The following SLC22A16 variants were observed in gnomAD, a reference collection of about 807,000 sequenced individuals.
SLC22A16 encodes solute carrier family 22 member 16, also known as WUGSC:RG331P03.1.
SLC22A16 carries 53 observed loss-of-function variants against 52.9 expected under a neutral mutation model. The ratio of observed to expected loss-of-function variants is 1.00; its 90% confidence interval spans 0.80 to 1.26. The LOEUF (loss-of-function observed/expected upper bound fraction) is 1.26, where lower values mean the gene tolerates loss of function less well. Ranked by LOEUF, SLC22A16 falls within the 50% of genes most tolerant of loss-of-function variation. The pLI, the probability that SLC22A16 is intolerant of heterozygous loss-of-function variation, is 0.00. For synonymous variants in SLC22A16, 291 were observed against 268.8 expected (o/e 1.08, Z -0.81); for missense variants, 726 against 704.0 (o/e 1.03, Z -0.35).
In SLC22A16 at chr6:110,476,569, C is replaced by G; in HGVS notation, c.6G>C (p.Gly2=). The part of the protein sequence containing the change: M[G]SRHFEGIYDH... Reference sequence around the variant, plus strand: ...CATAAATCCCCTCGAAGTGGCGGGACCCCATGGTGCGGCCGTGCACTGGGC... The same window carrying G: ...CATAAATCCCCTCGAAGTGGCGGGAGCCCATGGTGCGGCCGTGCACTGGGC... Residue 2 remains glycine (G), a synonymous_variant, in exon 1 of 8, where the codon GGG becomes GGC. Transcript: ENST00000368919. 1 of 1,534,450 alleles carries G rather than the reference C, an allele frequency of 6.5e-7. No homozygotes were observed. The highest frequency in any genetic ancestry group is 8.7e-7 in the Non-Finnish European group (1 of 1,143,020).
chr6:110,446,758 G>T, intron 3 of SLC22A16, 115 bp downstream of exon 3: 1 of 878,600 alleles, frequency 1.1e-6, no homozygotes, highest in Non-Finnish European at 1.8e-6. Flanking sequence ...CAGTGGAGTG[G>T]ACAAAGATGA....
chr6:110,465,852 A>G (rs1412175798), intron 1 of SLC22A16, among the ~76,000 whole-genome samples: 3 of 152,216 alleles, frequency 2.0e-5, no homozygotes, highest in Admixed American at 2.0e-4. Flanking sequence ...AAAAAGAGCA[A>G]GGCCAGAGGC....
intron 3 of SLC22A16, among the ~76,000 whole-genome samples, chr6:110,443,389 A>G (rs1167319301): frequency 6.6e-6 from 1 of 152,214 alleles, no homozygotes; most frequent in Non-Finnish European, 1.5e-5. Context: ...AACACAGACA[A>G]TCCAATTCAA....
At chr6:110,449,923 G>C (rs1182219842) in intron 2 of SLC22A16, among the ~76,000 whole-genome samples, 5 of 152,068 alleles carry the variant, frequency 3.3e-5, no homozygotes. Flanking sequence ...TTCACAATCT[G>C]CCCTTCTCTA....
intron 3 of SLC22A16, among the ~76,000 whole-genome samples, chr6:110,445,432 T>A (rs2114949279): frequency 6.6e-6 from 1 of 152,312 alleles, no homozygotes; most frequent in Non-Finnish European, 1.5e-5. Context: ...ATCAACGTCT[T>A]GCCTTTCCTA....
chr6:110,469,443 G>T (rs1397260984), intron 1 of SLC22A16, among the ~76,000 whole-genome samples: 4 of 152,198 alleles, frequency 2.6e-5, no homozygotes, highest in African/African-American at 9.6e-5. Flanking sequence ...CAGCTACTCA[G>T]GAGGCTGAGG....
chr6:110,444,848 C>G (rs553787918), intron 3 of SLC22A16, among the ~76,000 whole-genome samples: 1 of 152,342 alleles, frequency 6.6e-6, no homozygotes, highest in Non-Finnish European at 1.5e-5. Flanking sequence ...GCTGCTGTTA[C>G]ATTAACAAAG....
rs139436114 is a variant in SLC22A16, at chr6:110,426,946, G to A, written c.1522-1861C>T. Among the ~76,000 whole-genome samples the A allele has an allele frequency of 1.2e-3, 186 of 150,230 alleles. 1 individual carries two copies. The highest frequency in any genetic ancestry group is 4.1e-3 in the African/African-American group (168 of 40,800). ...GCCTGGGCAACAAGAGTGAAACTCCGTCTTAAAAAAAAAACTTCTCAAAGA... is the reference window on the plus strand; with the variant it reads ...GCCTGGGCAACAAGAGTGAAACTCCATCTTAAAAAAAAAACTTCTCAAAGA... On this transcript the variant is annotated intron_variant, in intron 7 of 7. Transcript: ENST00000368919.
At position 110,456,888 on chromosome 6, in the gene SLC22A16, A is replaced by C. The variant is rs1775680539; in HGVS notation, c.183T>G (p.Val61=). 1 of 1,613,966 alleles carries C rather than the reference A, an allele frequency of 6.2e-7. No individual in the cohort carries two copies. Among genetic ancestry groups the C allele is most frequent in the Admixed American group, 1.7e-5 (1 of 59,992 alleles). Residue 61 remains valine, a synonymous_variant, in exon 2 of 8, where the codon GTT becomes GTG. Coordinates refer to ENST00000368919, the MANE Select transcript of SLC22A16 (RefSeq NM_033125.4). ...TCCAATTAGAGTGATTATGGAAAAC[A>C]ACCTGACTCACATTGCCTGGGGGCC... ...VCRPPGNVSQ[V]VFHNHSNWSL... is the part of the protein sequence containing the mutation.
chr6:110,466,216 A>G (rs1776054074), intron 1 of SLC22A16, among the ~76,000 whole-genome samples: 1 of 152,216 alleles, frequency 6.6e-6, no homozygotes, highest in South Asian at 2.1e-4. Flanking sequence ...ACTCTTCTGG[A>G]CATTAGCCTA....
intron 6 of SLC22A16, among the ~76,000 whole-genome samples, chr6:110,432,023 A>G (rs1021167857): frequency 1.3e-5 from 2 of 152,232 alleles, no homozygotes; most frequent in Non-Finnish European, 2.9e-5. Context: ...TTTTAGAGTC[A>G]AGGAATATCT....
rs1775688719 is a variant in SLC22A16 at position 110,457,010 on chromosome 6, T to C, written c.61A>G (p.Arg21Gly). 1.3e-6 allele frequency: 2 copies of C among 1,525,314 alleles called. No individual in the cohort carries two copies. Among genetic ancestry groups the C allele is most frequent in the Admixed American group, 4.5e-5 (2 of 44,768 alleles). 94.5% of individuals were successfully genotyped at this position (1,525,314 alleles called of 1,614,324 possible). Reference sequence around the variant, plus strand: ...AAGGCACATATGAAATAGAGGACTCTCTGGAATCTGCAAGAGAAGAAAAGC... The same window carrying C: ...AAGGCACATATGAAATAGAGGACTCCCTGGAATCTGCAAGAGAAGAAAAGC... ...DHVGHFGRFQRVLYFICAFQN... is the reference protein window; with the variant it reads ...DHVGHFGRFQGVLYFICAFQN... The change falls in exon 2 of 8, where the codon AGA becomes GGA. Residue 21 changes from arginine (R) to glycine (G), a missense_variant. Coordinates refer to ENST00000368919, the MANE Select transcript of SLC22A16 (RefSeq NM_033125.4).
chr6:110,426,063 G>A (rs1774246345), intron 7 of SLC22A16, among the ~76,000 whole-genome samples: 1 of 152,202 alleles, frequency 6.6e-6, no homozygotes, highest in South Asian at 2.1e-4. Context: ...CATAACAGAC[G>A]AGACCTGGGA....
intron 1 of SLC22A16, among the ~76,000 whole-genome samples, chr6:110,471,311 G>C (rs1776253645): frequency 6.6e-6 from 1 of 152,190 alleles, no homozygotes; most frequent in African/African-American, 2.4e-5. Flanking sequence ...TGTGTAGCAG[G>C]CTGTACCATC....
At chr6:110,428,857 T>C (rs1774381270) in intron 7 of SLC22A16, among the ~76,000 whole-genome samples, 1 of 152,012 alleles carries the variant, frequency 6.6e-6, no homozygotes, top group Non-Finnish European at 1.5e-5. Flanking sequence ...GAGGTGGAGG[T>C]TGCAGTGAGC....
intron 7 of SLC22A16, among the ~76,000 whole-genome samples, chr6:110,425,963 A>C (rs1470835697): frequency 6.6e-6 from 1 of 152,144 alleles, no homozygotes; most frequent in Non-Finnish European, 1.5e-5. Context: ...GGCTTTTCTG[A>C]TAAATCTACA....
intron 4 of SLC22A16, 149 bp from the exon 5 acceptor site, chr6:110,438,996 GC>G: frequency 1.1e-6 from 1 of 903,274 alleles, no homozygotes; most frequent in Non-Finnish European, 1.6e-6. Context: ...CTGCGAGGCA[GC>G]CAGCCCCGCC....
chr6:110,462,819 T>C lies in SLC22A16; in HGVS notation c.54-5802A>G, dbSNP rs184306071. 1.9e-3 allele frequency among the ~76,000 whole-genome samples: 282 copies of C among 152,192 alleles called. 1 individual carries two copies. The highest frequency in any genetic ancestry group is 6.5e-3 in the African/African-American group (268 of 41,540). On this transcript the variant is annotated intron_variant, in intron 1 of 7. Transcript: ENST00000368919. ...AGATGAATGTCACCAAGGCATATAGTCATCATACTATCCAAGTTTAATGCT... is the reference window on the plus strand; with the variant it reads ...AGATGAATGTCACCAAGGCATATAGCCATCATACTATCCAAGTTTAATGCT...
At chr6:110,468,649 A>AC (rs71018394) in intron 1 of SLC22A16, among the ~76,000 whole-genome samples, 4 of 151,294 alleles carry the variant, frequency 2.6e-5, no homozygotes, top group Admixed American at 2.6e-4. Flanking sequence ...CTGTCTCAAA[A>AC]AAAAAAAAAA....
Sources: gnomAD v4.1 joint callset for allele counts (sites outside exome capture counted in the v4.1 genomes callset) on GRCh38, gnomAD v4.1.1 for gene constraint, MANE v1.5 for transcripts, NCBI Gene and HGNC (gene_info 2026-07-23, HGNC 2026-07-21) for gene names.